EBF3: variants seen among roughly 807,000 people sequenced by gnomAD.
The protein encoded by EBF3 is transcription factor COE3.
In EBF3, 18 loss-of-function variants were observed where a neutral mutation model predicts 77.1. That is an observed-to-expected ratio of 0.23 (90% CI 0.16 to 0.35). EBF3 has a LOEUF of 0.35. EBF3 is among the 10% of genes least tolerant of loss of function. The pLI is 1.00. For missense variants in EBF3, 558 were observed against 860.0 expected (o/e 0.65, Z 4.39); for synonymous variants, 350 against 343.5 (o/e 1.02, Z -0.21).
rs10530522 is a variant in EBF3 at position 129,846,108 on chromosome 10, T to TTGTGTGTGTGTG, written c.1128+2272_1128+2283dup. ...ATTGCCTTTATTTTCATTCTGGGCT[T>TTGTGTGTGTGTG]TGTGTGTGTGTGTGTGTGTGTGTGT... On this transcript the variant is annotated intron_variant, in intron 11 of 16. Coordinates refer to ENST00000440978, the MANE Select transcript of EBF3 (RefSeq NM_001375380.1). 3.1e-3 allele frequency among the ~76,000 whole-genome samples: 433 copies of TTGTGTGTGTGTG among 139,676 alleles called. 1 individual carries two copies. The highest frequency in any genetic ancestry group is 6.3e-3 in the African/African-American group (241 of 38,142). The allele number at this position is 139,676 out of a possible 152,430, so 91.6% of individuals were successfully genotyped here. A position where few individuals can be genotyped will look rare whatever the true frequency, so the allele number is the denominator to read the frequency against.
At chr10:129,918,963 G>A (rs1318466375) in intron 6 of EBF3, among the ~76,000 whole-genome samples, 3 of 152,206 alleles carry the variant, frequency 2.0e-5, no homozygotes, top group East Asian at 1.9e-4. Flanking sequence ...AGGCTAGAGA[G>A]GACTTCCCCA....
At chr10:129,962,146 C>T (rs201879231) in intron 4 of EBF3, 25 bp downstream of exon 4, 1 of 1,613,702 alleles carries the variant, frequency 6.2e-7, no homozygotes, top group African/African-American at 1.3e-5. Flanking sequence ...AGTGAAAACT[C>T]GTGCAGAGGC....
chr10:129,842,269 C>T lies in EBF3; in HGVS notation c.1219G>A (p.Asp407Asn). The change falls in exon 13 of 17, where the codon GAC (aspartate) becomes AAC (asparagine). Residue 407 changes from aspartate to asparagine, a missense_variant. Asp to Asn is a conservative substitution (Grantham distance 23). Coordinates refer to ENST00000440978, the MANE Select transcript of EBF3 (RefSeq NM_001375380.1). The surrounding 1 kb of genome is among the most constrained non-coding windows in gnomAD (Gnocchi z 4.4). ...NQEIILKRAADIAEALYSVPR... is the reference protein window; with the variant it reads ...NQEIILKRAANIAEALYSVPR... The stretch of plus-strand genomic sequence containing the variant: ...ACGCTGTACAGCGCCTCGGCGATGT[C>T]CGCCGCTCGCTTCAAGATGATCTCC... The T allele has an allele frequency of 1.9e-6, 3 of 1,604,200 alleles. No individual in the cohort carries two copies. The highest frequency in any genetic ancestry group is 2.6e-6 in the Non-Finnish European group (3 of 1,174,628).
rs1029220352 is a variant in EBF3 at position 129,837,745 on chromosome 10, G to A, written c.*198C>T. 3.2e-6 allele frequency: 2 copies of A among 630,634 alleles called. No homozygotes were observed. Among genetic ancestry groups the A allele is most frequent in the Non-Finnish European group, 5.5e-6 (2 of 363,096 alleles). The allele number at this position is 630,634 out of a possible 1,614,324, so 39.1% of individuals were successfully genotyped here. ...AAATGGAATTGTTCATGAAGAAGTA[G>A]GCTGTTTGCATGTTGATTCTTAATA... is the stretch of plus-strand genomic sequence containing the variant. On this transcript the variant is annotated 3_prime_UTR_variant, in exon 17 of 17. Coordinates refer to ENST00000440978, the MANE Select transcript of EBF3 (RefSeq NM_001375380.1).
Position 129,848,235 on chromosome 10 carries a change from G to A in EBF3, c.1128+157C>T, listed in dbSNP as rs72837147. 4.5e-3 allele frequency among the ~76,000 whole-genome samples: 682 copies of A among 152,272 alleles called. 4 individuals are homozygous for A. Among genetic ancestry groups the A allele is most frequent in the Non-Finnish European group, 4.4e-3 (298 of 68,022 alleles). ...CCCACCTCTGAAGCTGGTCAGGTGC[G>A]GGCCCGGGCAGCTCCTCACACCTGT... On this transcript the variant is annotated intron_variant, in intron 11 of 16. Coordinates refer to ENST00000440978, the MANE Select transcript of EBF3 (RefSeq NM_001375380.1). The surrounding 1 kb of genome is among the most constrained non-coding windows in gnomAD (Gnocchi z 4.4).
At chr10:129,895,549 G>C (rs1485394100) in intron 6 of EBF3, among the ~76,000 whole-genome samples, 1 of 152,168 alleles carries the variant, frequency 6.6e-6, no homozygotes, top group African/African-American at 2.4e-5. Context: ...AACCCAATGA[G>C]TATCAGTATG....
chr10:129,869,568 T>C (rs1160797356), intron 8 of EBF3, among the ~76,000 whole-genome samples: 1 of 152,188 alleles, frequency 6.6e-6, no homozygotes, highest in African/African-American at 2.4e-5. Context: ...CGGTTGCACA[T>C]CTTCATAAGC....
At chr10:129,932,694 A>G (rs1376828587) in intron 6 of EBF3, among the ~76,000 whole-genome samples, 1 of 152,098 alleles carries the variant, frequency 6.6e-6, no homozygotes, top group Non-Finnish European at 1.5e-5. Context: ...ATTTCAAACC[A>G]CAGAAACAAA....
chr10:129,962,039 C>A, intron 4 of EBF3, 132 bp downstream of exon 4: 1 of 783,974 alleles, frequency 1.3e-6, no homozygotes, highest in Non-Finnish European at 2.1e-6. Flanking sequence ...ATATGGAATT[C>A]TCATTAGCAT....
At position 129,835,473 on chromosome 10, in the gene EBF3, A is replaced by T. The variant is rs1029882680; in HGVS notation, c.*2470T>A. On this transcript the variant is annotated 3_prime_UTR_variant, in exon 17 of 17. Transcript: ENST00000440978. ...TGTGGGCATTGACTACTTAACCTAA[A>T]ACACAAACCAAGTGAGGGCATGGGG... 6.6e-6 allele frequency: 1 copy of T among 152,236 alleles called. No individual in the cohort carries two copies. Among genetic ancestry groups the T allele is most frequent in the African/African-American group, 2.4e-5 (1 of 41,458 alleles). The allele number at this position is 152,236 out of a possible 1,614,324, so 9.4% of individuals were successfully genotyped here.
chr10:129,948,072 C>T (rs959079508), intron 6 of EBF3, among the ~76,000 whole-genome samples: 9 of 151,924 alleles, frequency 5.9e-5, no homozygotes, highest in Non-Finnish European at 1.0e-4. Context: ...GCCTGACCAA[C>T]ATGGTGAAAC....
At chr10:129,933,008 T>C (rs1857129250) in intron 6 of EBF3, among the ~76,000 whole-genome samples, 1 of 150,770 alleles carries the variant, frequency 6.6e-6, no homozygotes, top group Non-Finnish European at 1.5e-5. Context: ...CTTGATTCAG[T>C]CAACACTGAT....
intron 15 of EBF3, 47 bp from the exon 16 acceptor site, chr10:129,839,242 G>A (rs1234967608): frequency 1.1e-6 from 1 of 891,852 alleles, no homozygotes. Flanking sequence ...ATGGGTTCAT[G>A]TTTCTAAAGG....
At chr10:129,867,339 A>G in intron 9 of EBF3, 72 bp from the exon 10 acceptor site, 1 of 1,590,524 alleles carries the variant, frequency 6.3e-7, no homozygotes, top group Non-Finnish European at 8.5e-7. Flanking sequence ...CCAGTTGGAT[A>G]TAATTACCAA....
chr10:129,931,601 G>A (rs1857032173), intron 6 of EBF3, among the ~76,000 whole-genome samples: 1 of 152,388 alleles, frequency 6.6e-6, no homozygotes, highest in Middle Eastern at 3.4e-3. Context: ...GCCATGGTCT[G>A]ATTCTAACTT....
At chr10:129,886,687 C>T (rs1275916111) in intron 6 of EBF3, among the ~76,000 whole-genome samples, 1 of 152,078 alleles carries the variant, frequency 6.6e-6, no homozygotes, top group Non-Finnish European at 1.5e-5. Flanking sequence ...TCGTCATTGT[C>T]TCTGCTCAGA....
intron 7 of EBF3, 138 bp from the exon 8 acceptor site, chr10:129,873,734 C>CT: frequency 1.1e-6 from 1 of 942,996 alleles, no homozygotes; most frequent in Non-Finnish European, 1.4e-6. Flanking sequence ...GATCGATGTG[C>CT]GTTCACAGCT....
At chr10:129,937,464 C>G (rs906336870) in intron 6 of EBF3, among the ~76,000 whole-genome samples, 24 of 152,256 alleles carry the variant, frequency 1.6e-4, no homozygotes, top group African/African-American at 5.5e-4. Context: ...GTCACATGCT[C>G]CTGCCCTCAA....
At chr10:129,914,986 T>C (rs1235838271) in intron 6 of EBF3, among the ~76,000 whole-genome samples, 3 of 152,352 alleles carry the variant, frequency 2.0e-5, no homozygotes, top group South Asian at 2.1e-4. Context: ...TTTGCATGGC[T>C]GTGGGACAGA....
Sources: gnomAD v4.1 joint callset for allele counts (sites outside exome capture counted in the v4.1 genomes callset) on GRCh38, gnomAD v4.1.1 for gene constraint, Gnocchi (gnomAD v3.1) non-coding constraint, MANE v1.5 for transcripts, NCBI Gene and HGNC (gene_info 2026-07-23, HGNC 2026-07-21) for gene names.